The following RIPOR2 variants were observed in gnomAD, a reference collection of about 807,000 sequenced individuals.
RIPOR2 encodes the protein rho family-interacting cell polarization regulator 2.
A neutral mutation model predicts 114.5 loss-of-function variants in RIPOR2; 39 were observed. The ratio of observed to expected loss-of-function variants is 0.34; its 90% CI spans 0.26 to 0.44. The LOEUF is 0.44. RIPOR2 is among the 20% of genes least tolerant of loss of function. The pLI, the probability that RIPOR2 is intolerant of heterozygous loss-of-function variation, is 1.00. For synonymous variants in RIPOR2, 445 were observed against 484.4 expected (o/e 0.92, Z 1.07); for missense variants, 1,007 against 1,255.1 (o/e 0.80, Z 2.99).
In RIPOR2 at chr6:24,835,841, C is replaced by T; in HGVS notation, c.2070G>A (p.Gly690=). The T allele has an allele frequency of 6.4e-6, 10 of 1,551,502 alleles. No individual in the cohort carries two copies. The highest frequency in any genetic ancestry group is 8.7e-6 in the Non-Finnish European group (10 of 1,146,952). Residue 690 remains glycine (G), a synonymous_variant, in exon 15 of 22, where the codon GGG becomes GGA. Transcript: ENST00000643898. The stretch of plus-strand genomic sequence containing the variant: ...CTTCAGTGAGCGCTTCACTGAGATG[C>T]CCCCTGGCTTCTGGGTGAACCGACC... ...SYRSVHPEAR[G]HLSEALTEDT...
rs1431928780 is a variant in RIPOR2 at position 24,826,683 on chromosome 6, A to G, written c.2666-1255T>C. ...AATCAAATACATTAGTATACATTCA[A>G]ATGCGGAACTATTAATCTCATAACT... On this transcript the variant is annotated intron_variant, in intron 18 of 21. Transcript: ENST00000643898. 2.6e-5 allele frequency among the ~76,000 whole-genome samples: 4 copies of G among 152,196 alleles called. No individual in the cohort carries two copies. The East Asian group carries it at 7.7e-4, about 29-fold the overall frequency.
chr6:24,824,661 T>G (rs192529692), intron 19 of RIPOR2, among the ~76,000 whole-genome samples: 2 of 152,312 alleles, frequency 1.3e-5, no homozygotes, highest in East Asian at 3.9e-4. Context: ...TGATGGCTTT[T>G]AAAATTAAAA....
intron 1 of RIPOR2, among the ~76,000 whole-genome samples, chr6:24,922,361 A>G (rs1187255616): frequency 2.0e-5 from 3 of 152,174 alleles, no homozygotes; most frequent in African/African-American, 7.2e-5. Flanking sequence ...TATAAAGGAA[A>G]CAGTCTTTCT....
chr6:24,851,736 G>A (rs1390138457), intron 9 of RIPOR2, among the ~76,000 whole-genome samples: 2 of 150,412 alleles, frequency 1.3e-5, no homozygotes, highest in East Asian at 1.9e-4. Flanking sequence ...TCCTGGATTG[G>A]CCCTTGGATC....
chr6:24,921,852 CAG>C lies in RIPOR2; in HGVS notation c.61+13984_61+13985del, dbSNP rs552705059. The stretch of plus-strand genomic sequence containing the variant: ...TCTTTCTTTTTTTTAAAATTTGAGA[CAG>C]AGTCTCACTCTGTCGCCCAGGCTGG... On this transcript the variant is annotated intron_variant, in intron 1 of 21. Transcript: ENST00000643898. Among the ~76,000 whole-genome samples the C allele has an allele frequency of 2.3e-4, 35 of 151,448 alleles. 1 individual carries two copies. In the South Asian group the frequency reaches 7.3e-3, roughly 32 times the overall value.
At chr6:24,862,793 C>T (rs1022545870) in intron 7 of RIPOR2, among the ~76,000 whole-genome samples, 7 of 115,650 alleles carry the variant, frequency 6.1e-5, no homozygotes, top group African/African-American at 1.3e-4. Context: ...TTTCCTCCCC[C>T]GACCACTGGC....
intron 20 of RIPOR2, among the ~76,000 whole-genome samples, chr6:24,810,750 C>A (rs1303619911): frequency 7.2e-6 from 1 of 139,130 alleles, no homozygotes; most frequent in Non-Finnish European, 1.6e-5. Context: ...TCTATTTGGG[C>A]ACCTGAAGGT....
At chr6:24,955,010 C>T (rs1772965016) in intron 1 of RIPOR2, among the ~76,000 whole-genome samples, 1 of 152,066 alleles carries the variant, frequency 6.6e-6, no homozygotes, top group African/African-American at 2.4e-5. Context: ...ATTTGTAGAA[C>T]AGGTAATGAC....
chr6:25,025,332 C>T (rs149673956), intron 1 of RIPOR2, among the ~76,000 whole-genome samples: 127 of 152,204 alleles, frequency 8.3e-4, no homozygotes, highest in African/African-American at 2.8e-3. Flanking sequence ...TGTGGTGTTA[C>T]GGTTTCTGCT....
chr6:24,825,355 G>T lies in RIPOR2; in HGVS notation c.2739C>A (p.Ser913Arg), dbSNP rs1420440985. ...LLQTMSDLAP[S>R]NLLAQQEVLR... ...GTACTTCCTGCTGGGCCAGGAGGTT[G>T]CTGGGAGCAAGGTCACTCATGGTTT... is the stretch of plus-strand genomic sequence containing the variant. The change falls in exon 19 of 22, where the codon AGC becomes AGA. Residue 913 changes from serine (S) to arginine (R), a missense_variant. Coordinates refer to ENST00000643898, the MANE Select transcript of RIPOR2 (RefSeq NM_001286445.3). 5 of 1,551,964 alleles carry T rather than the reference G, an allele frequency of 3.2e-6. No individual in the cohort carries two copies. Among genetic ancestry groups the T allele is most frequent in the Admixed American group, 2.0e-5 (1 of 51,002 alleles).
intron 7 of RIPOR2, 145 bp from the exon 8 acceptor site, chr6:24,861,181 A>G (rs1242453472): frequency 3.5e-6 from 2 of 573,088 alleles, no homozygotes; most frequent in Admixed American, 3.3e-5. Flanking sequence ...CCTAAGAAAC[A>G]TTCTTGACAA....
At chr6:24,984,632 A>G (rs1774454396) in intron 1 of RIPOR2, among the ~76,000 whole-genome samples, 1 of 98,088 alleles carries the variant, frequency 1.0e-5, no homozygotes, top group East Asian at 2.6e-4. Flanking sequence ...CCTGGACAAC[A>G]TAGTGAGACC....
At chr6:25,012,252 A>G (rs1775804665) in intron 1 of RIPOR2, among the ~76,000 whole-genome samples, 1 of 152,242 alleles carries the variant, frequency 6.6e-6, no homozygotes, top group Non-Finnish European at 1.5e-5. Context: ...ATGTGGAGAA[A>G]TTGAAGCTCT....
chr6:24,973,037 G>T (rs892977756), intron 1 of RIPOR2, among the ~76,000 whole-genome samples: 2 of 150,450 alleles, frequency 1.3e-5, no homozygotes. Context: ...GCACAAATTT[G>T]AAAATAAAGT....
At chr6:24,961,627 TCTAAG>T (rs1304377307) in intron 1 of RIPOR2, among the ~76,000 whole-genome samples, 3 of 103,622 alleles carry the variant, frequency 2.9e-5, no homozygotes, top group African/African-American at 8.3e-5. Flanking sequence ...CAGTTGTTAT[TCTAAG>T]CTTTTTTTTT....
intron 1 of RIPOR2, among the ~76,000 whole-genome samples, chr6:24,915,412 T>C (rs867381860): frequency 4.8e-4 from 73 of 151,174 alleles, no homozygotes; most frequent in African/African-American, 1.7e-3. Context: ...TGGAGTGCAG[T>C]GGCACGATCT....
intron 1 of RIPOR2, chr6:25,024,600 T>C (rs1776516423): frequency 4.2e-6 from 2 of 479,102 alleles, no homozygotes; most frequent in Non-Finnish European, 7.7e-6. Flanking sequence ...AGTCAGATTT[T>C]TTAACCATTG....
chr6:24,988,221 T>C (rs1020410626), intron 1 of RIPOR2, among the ~76,000 whole-genome samples: 2 of 152,184 alleles, frequency 1.3e-5, no homozygotes, highest in Admixed American at 6.5e-5. Context: ...ACAGAGTCTC[T>C]CTCTGTCACC....
At chr6:24,945,467 C>T (rs1280416311) in intron 1 of RIPOR2, among the ~76,000 whole-genome samples, 2 of 152,126 alleles carry the variant, frequency 1.3e-5, no homozygotes, top group East Asian at 3.8e-4. Context: ...ACATAAAAGA[C>T]AGTACAAATG....
Sources: allele counts gnomAD v4.1 joint callset (sites outside exome capture counted in the v4.1 genomes callset), GRCh38; gene constraint gnomAD v4.1.1; transcripts MANE v1.5; gene names NCBI Gene and HGNC (gene_info 2026-07-23, HGNC 2026-07-21).